The following SPATA6L variants were observed in gnomAD, a reference collection of about 807,000 sequenced individuals.
SPATA6L encodes the protein spermatogenesis associated 6 like.
SPATA6L carries 68 observed loss-of-function variants against 49.2 expected under a neutral mutation model. That is an observed-to-expected ratio of 1.38 (90% CI 1.14 to 1.69). The LOEUF (loss-of-function observed/expected upper bound fraction) is 1.69, where lower values mean the gene tolerates loss of function less well. Among genes scored for constraint, SPATA6L ranks in the 40% most tolerant of loss-of-function variants. SPATA6L has a pLI of 0.00. For missense variants in SPATA6L, 668 were observed against 464.3 expected (o/e 1.44, Z -4.03); for synonymous variants, 198 against 165.7 (o/e 1.19, Z -1.50).
intron 7 of SPATA6L, among the ~76,000 whole-genome samples, chr9:4,619,473 C>T (rs985257908): frequency 6.6e-6 from 1 of 152,014 alleles, no homozygotes; most frequent in Non-Finnish European, 1.5e-5. Context: ...AATGACAGCA[C>T]ATGTGGAAGG....
At chr9:4,607,075 G>C (rs1008088042) in intron 9 of SPATA6L, among the ~76,000 whole-genome samples, 2,008 of 151,622 alleles carry the variant, frequency 0.013, 23 homozygotes, top group Non-Finnish European at 0.02. Context: ...GAAATGAAGC[G>C]AGAAGGGAAG....
chr9:4,664,731 G>C (rs996684933), intron 1 of SPATA6L: 2 of 167,092 alleles, frequency 1.2e-5, no homozygotes, highest in African/African-American at 4.8e-5. Flanking sequence ...GCCATACGGA[G>C]GTTCGGAACC....
chr9:4,621,740 G>C (rs751230105), intron 7 of SPATA6L, among the ~76,000 whole-genome samples: 2 of 152,122 alleles, frequency 1.3e-5, no homozygotes, highest in African/African-American at 4.8e-5. Flanking sequence ...TGCCTGCCTC[G>C]GCCTCCCGAA....
chr9:4,629,755 A>ATG (rs370931784), intron 4 of SPATA6L, among the ~76,000 whole-genome samples: 195 of 125,396 alleles, frequency 1.6e-3, no homozygotes, highest in Admixed American at 3.9e-3. Flanking sequence ...TGTTTTATAT[A>ATG]TGTGTGTGTG....
At chr9:4,614,250 T>C (rs1827453531) in intron 9 of SPATA6L, among the ~76,000 whole-genome samples, 1 of 152,196 alleles carries the variant, frequency 6.6e-6, no homozygotes, top group African/African-American at 2.4e-5. Context: ...CCTTTAGTAC[T>C]CCCATTGTTC....
chr9:4,617,168 C>T (rs1828213111), intron 9 of SPATA6L, among the ~76,000 whole-genome samples: 1 of 152,060 alleles, frequency 6.6e-6, no homozygotes, highest in Non-Finnish European at 1.5e-5. Context: ...AGAGCAATTG[C>T]GTTATTTTGG....
chr9:4,603,501 G>A (rs1160881083), intron 11 of SPATA6L, among the ~76,000 whole-genome samples: 1 of 152,202 alleles, frequency 6.6e-6, no homozygotes, highest in Non-Finnish European at 1.5e-5. Context: ...TACAGAGACA[G>A]CAGCAGGGTG....
At chr9:4,636,160 G>T (rs375469800) in intron 3 of SPATA6L, among the ~76,000 whole-genome samples, 1 of 151,056 alleles carries the variant, frequency 6.6e-6, no homozygotes, top group East Asian at 1.9e-4. Flanking sequence ...TCCAAGTACC[G>T]TGTAAATCAA....
intron 5 of SPATA6L, 83 bp from the exon 6 acceptor site, chr9:4,625,649 G>A (rs781311076): frequency 2.0e-6 from 2 of 998,422 alleles, no homozygotes; most frequent in Non-Finnish European, 2.7e-6. Context: ...GTATTTAATT[G>A]AATTTTTAAA....
intron 4 of SPATA6L, among the ~76,000 whole-genome samples, chr9:4,632,402 C>A (rs532998296): frequency 1.3e-5 from 2 of 151,866 alleles, no homozygotes; most frequent in South Asian, 4.2e-4. Flanking sequence ...TCGAGACCAG[C>A]CTAGCCAACA....
At chr9:4,654,211 T>C (rs147752018) in intron 3 of SPATA6L, among the ~76,000 whole-genome samples, 181 of 152,300 alleles carry the variant, frequency 1.2e-3, no homozygotes, top group African/African-American at 4.2e-3. Context: ...GGATGTAAAA[T>C]GATTCAGCTG....
intron 3 of SPATA6L, among the ~76,000 whole-genome samples, chr9:4,647,943 T>C (rs539097428): frequency 1.7e-4 from 26 of 152,080 alleles, no homozygotes; most frequent in African/African-American, 6.3e-4. Context: ...CAAGCGATTC[T>C]CCTGCCTCAG....
chr9:4,659,437 G>A (rs1420497511), intron 2 of SPATA6L, among the ~76,000 whole-genome samples: 1 of 151,258 alleles, frequency 6.6e-6, no homozygotes, highest in Non-Finnish European at 1.5e-5. Context: ...TTGCTTCAAA[G>A]AGAATAAAAT....
At position 4,648,792 on chromosome 9, in the gene SPATA6L, G is replaced by A. The variant is rs559284725; in HGVS notation, c.226+7249C>T. ...ACCCATCACCCGAGCAGTACACACT[G>A]CACCCTATTTGTAGTCTTTTATCCC... On this transcript the variant is annotated intron_variant, in intron 3 of 11. Transcript: ENST00000682582. Among the ~76,000 whole-genome samples, 7 of 152,194 alleles carry A rather than the reference G, an allele frequency of 4.6e-5. No homozygotes were observed. The East Asian group carries it at 1.4e-3, about 29-fold the overall frequency.
At chr9:4,602,948 G>A (rs1444207877) in intron 11 of SPATA6L, among the ~76,000 whole-genome samples, 1 of 152,152 alleles carries the variant, frequency 6.6e-6, no homozygotes, top group African/African-American at 2.4e-5. Flanking sequence ...ATGTGTACTA[G>A]TCTCAGCACT....
intron 9 of SPATA6L, among the ~76,000 whole-genome samples, chr9:4,610,930 T>G (rs1415139570): frequency 6.7e-6 from 1 of 148,282 alleles, no homozygotes; most frequent in Non-Finnish European, 1.5e-5. Flanking sequence ...GAATCTACAA[T>G]GAACTCAAAC....
chr9:4,611,760 G>C (rs866708240), intron 9 of SPATA6L, among the ~76,000 whole-genome samples: 1 of 151,606 alleles, frequency 6.6e-6, no homozygotes, highest in Non-Finnish European at 1.5e-5. Flanking sequence ...TAACTAACCT[G>C]CACAATGTGC....
chr9:4,659,707 G>A (rs1839161206), intron 2 of SPATA6L, among the ~76,000 whole-genome samples: 1 of 152,132 alleles, frequency 6.6e-6, no homozygotes, highest in South Asian at 2.1e-4. Flanking sequence ...CCAAAAAAGA[G>A]CCCGCATTGC....
intron 3 of SPATA6L, among the ~76,000 whole-genome samples, chr9:4,647,226 A>G (rs1229341460): frequency 6.6e-6 from 1 of 152,220 alleles, no homozygotes; most frequent in African/African-American, 2.4e-5. Context: ...TCCACTTGTT[A>G]TCCATTAACA....
Sources: allele counts gnomAD v4.1 joint callset (sites outside exome capture counted in the v4.1 genomes callset), GRCh38; gene constraint gnomAD v4.1.1; transcripts MANE v1.5; gene names NCBI Gene and HGNC (gene_info 2026-07-23, HGNC 2026-07-21).